POLE4: variants seen among roughly 807,000 people sequenced by gnomAD.
The protein encoded by POLE4 is DNA polymerase epsilon subunit 4.
Under a neutral mutation model 15.6 loss-of-function variants are expected in POLE4, and 15 were observed. The ratio of observed to expected loss-of-function variants is 0.96; its 90% CI spans 0.64 to 1.48. The LOEUF (loss-of-function observed/expected upper bound fraction) is 1.48, where lower values mean the gene tolerates loss of function less well. POLE4 is among the 40% of genes most tolerant of loss of function. The pLI, the probability that POLE4 is intolerant of heterozygous loss-of-function variation, is 0.00. For synonymous variants in POLE4, 83 were observed against 63.2 expected (o/e 1.31, Z -1.49); for missense variants, 205 against 151.9 (o/e 1.35, Z -1.84).
Position 74,963,830 on chromosome 2 carries a change from G to A in POLE4, c.340+3684G>A, listed in dbSNP as rs960916688. Among the ~76,000 whole-genome samples, 3 of 152,220 alleles carry A rather than the reference G, an allele frequency of 2.0e-5. 1 individual carries two copies. In the South Asian group the frequency reaches 6.2e-4, roughly 32 times the overall value. On this transcript the variant is annotated intron_variant, in intron 3 of 3. Coordinates refer to ENST00000483063, the MANE Select transcript of POLE4 (RefSeq NM_019896.4). Reference sequence around the variant, plus strand: ...TAGATATGAATCTTTTTTAGTATATGAGACGTATCTTTTCCTGCCTTTTCA... The same window carrying A: ...TAGATATGAATCTTTTTTAGTATATAAGACGTATCTTTTCCTGCCTTTTCA...
At chr2:74,959,680 G>C in intron 2 of POLE4, 1 of 439,514 alleles carries the variant, frequency 2.3e-6, no homozygotes. Context: ...AATTGCACCA[G>C]AAAAAGATAT....
At chr2:74,967,228 TA>T (rs1379262155) in intron 3 of POLE4, among the ~76,000 whole-genome samples, 1 of 152,150 alleles carries the variant, frequency 6.6e-6, no homozygotes, top group Non-Finnish European at 1.5e-5. Context: ...AACTCAATCA[TA>T]ATTTTGCCTC....
Position 74,960,115 on chromosome 2 carries a change from A to G in POLE4, c.309A>G (p.Ile103Met). The G allele has an allele frequency of 6.2e-7, 1 of 1,613,912 alleles. No homozygotes were observed. Among genetic ancestry groups the G allele is most frequent in the Non-Finnish European group, 8.5e-7 (1 of 1,179,796 alleles). The change falls in exon 3 of 4, where the codon ATA (isoleucine) becomes ATG (methionine). Residue 103 changes from isoleucine to methionine, a missense_variant. Physicochemically the swap from Ile to Met is conservative, Grantham distance 10. Coordinates refer to ENST00000483063, the MANE Select transcript of POLE4 (RefSeq NM_019896.4). ...TTCCTTGTGTTTCAGATAATGCAAT[A>G]GAAGCTGTGGATGAATTTGCTTTTC... The part of the protein sequence containing the change: ...TLQRRDLDNA[I>M]EAVDEFAFLE...
chr2:74,958,796 G>T lies in POLE4; in HGVS notation c.117G>T (p.Ser39=). The stretch of plus-strand genomic sequence containing the variant: ...CGAGTGTGCCTGGGGCTCGTCTCTC[G>T]AGGTTGCCTCTGGCGCGAGTGAAGG... ...APTSVPGARL[S]RLPLARVKAL... Residue 39 remains serine, a synonymous_variant, in exon 1 of 4, where the codon TCG becomes TCT. Transcript: ENST00000483063. 1 of 1,552,860 alleles carries T rather than the reference G, an allele frequency of 6.4e-7. No homozygotes were observed. Among genetic ancestry groups the T allele is most frequent in the East Asian group, 2.4e-5 (1 of 40,910 alleles).
At chr2:74,968,418 C>T (rs1434723533) in intron 3 of POLE4, among the ~76,000 whole-genome samples, 1 of 151,422 alleles carries the variant, frequency 6.6e-6, no homozygotes, top group Non-Finnish European at 1.5e-5. Context: ...TGTTTGGTAA[C>T]TGTGTGTGTG....
At chr2:74,959,265 C>T in intron 1 of POLE4, 76 bp from the exon 2 acceptor site, 1 of 897,246 alleles carries the variant, frequency 1.1e-6, no homozygotes, top group Non-Finnish European at 1.8e-6. Flanking sequence ...CTTTCTGCCC[C>T]CACCCACAAA....
chr2:74,966,781 A>G (rs563596087), intron 3 of POLE4, among the ~76,000 whole-genome samples: 2 of 152,284 alleles, frequency 1.3e-5, no homozygotes, highest in East Asian at 1.9e-4. Flanking sequence ...TTCATTTAGT[A>G]TGGTCTGGTA....
intron 3 of POLE4, among the ~76,000 whole-genome samples, chr2:74,965,544 T>A (rs540895259): frequency 1.5e-4 from 23 of 152,234 alleles, no homozygotes; most frequent in Non-Finnish European, 2.9e-4. Context: ...TTCTGTGTTC[T>A]TACTGAATTT....
intron 3 of POLE4, chr2:74,960,533 A>G (rs1386950289): frequency 1.2e-5 from 6 of 482,410 alleles, no homozygotes; most frequent in Non-Finnish European, 2.5e-5. Context: ...TTCTTCAACA[A>G]TCTGTGTGAA....
chr2:74,961,805 C>T (rs1446850543), intron 3 of POLE4, among the ~76,000 whole-genome samples: 1 of 152,162 alleles, frequency 6.6e-6, no homozygotes, highest in African/African-American at 2.4e-5. Flanking sequence ...ATTGGTAGAT[C>T]TGAATGTTAG....
intron 3 of POLE4, among the ~76,000 whole-genome samples, chr2:74,966,108 C>T (rs1443820837): frequency 6.6e-6 from 1 of 150,466 alleles, no homozygotes; most frequent in Non-Finnish European, 1.5e-5. Flanking sequence ...TTTTTTCCCT[C>T]TATCAGCTTG....
chr2:74,958,937 T>G (rs1573425614), intron 1 of POLE4, 45 bp downstream of exon 1: 2 of 1,481,584 alleles, frequency 1.3e-6, no homozygotes, highest in Non-Finnish European at 1.8e-6. Flanking sequence ...GGAGGTGGAG[T>G]GTGGGGCGGG....
rs560365686 is a variant in POLE4, at chr2:74,958,911, G to A, written c.213+19G>A. ...AGCCGCGGTGCGCCTGCAGCGCGAG[G>A]GCATGCGGGAGTGGGGGAGGTGGAG... On this transcript the variant is annotated intron_variant, in intron 1 of 3. Coordinates refer to ENST00000483063, the MANE Select transcript of POLE4 (RefSeq NM_019896.4). The A allele has an allele frequency of 3.9e-5, 60 of 1,549,624 alleles. No homozygotes were observed. The Middle Eastern group carries it at 6.7e-4, about 17-fold the overall frequency.
At position 74,958,712 on chromosome 2, in the gene POLE4, G is replaced by T. The variant is rs1390486739; in HGVS notation, c.33G>T (p.Thr11=). 1 of 1,483,988 alleles carries T rather than the reference G, an allele frequency of 6.7e-7. No individual in the cohort carries two copies. Among genetic ancestry groups the T allele is most frequent in the African/African-American group, 1.5e-5 (1 of 66,954 alleles). 91.9% of individuals were successfully genotyped at this position (1,483,988 alleles called of 1,614,324 possible). The change falls in exon 1 of 4, where the codon ACG becomes ACT. Residue 11 remains threonine, a synonymous_variant. Transcript: ENST00000483063. ...CGGCGGCGGCGGCAGGAAGCGGGAC[G>T]CCCCGAGAGGAGGAGGGACCTGCTG... MAAAAAAGSG[T]PREEEGPAGE... is the part of the protein sequence containing the mutation.
intron 3 of POLE4, among the ~76,000 whole-genome samples, chr2:74,960,834 C>T (rs1671210501): frequency 6.6e-6 from 1 of 152,162 alleles, no homozygotes; most frequent in Admixed American, 6.5e-5. Context: ...TCCTTTTGCC[C>T]AGTGAGGTAG....
Position 74,958,849 on chromosome 2 carries a change from C to A in POLE4, c.170C>A (p.Thr57Lys). ...KALVKADPDV[T>K]LAGQEAIFIL... Reference sequence around the variant, plus strand: ...TTGGTGAAGGCAGATCCCGACGTGACGCTAGCGGGACAGGAAGCCATCTTC... The same window carrying A: ...TTGGTGAAGGCAGATCCCGACGTGAAGCTAGCGGGACAGGAAGCCATCTTC... Residue 57 changes from threonine (T) to lysine (K), a missense_variant, in exon 1 of 4, where the codon ACG becomes AAG. Transcript: ENST00000483063. The A allele has an allele frequency of 6.4e-7, 1 of 1,561,566 alleles. No homozygotes were observed. The highest frequency in any genetic ancestry group is 8.7e-7 in the Non-Finnish European group (1 of 1,152,942).
chr2:74,966,247 C>A (rs545495744), intron 3 of POLE4, among the ~76,000 whole-genome samples: 1 of 152,132 alleles, frequency 6.6e-6, no homozygotes, highest in Non-Finnish European at 1.5e-5. Context: ...TCCATTAACT[C>A]AATTTTCAAA....
At position 74,969,386 on chromosome 2, in the gene POLE4, C is replaced by T. The variant is rs565481456; in HGVS notation, c.341-23C>T. 1.6e-5 allele frequency: 25 copies of T among 1,612,680 alleles called. No individual in the cohort carries two copies. The African/African-American group carries it at 2.3e-4, about 15-fold the overall frequency. On this transcript the variant is annotated intron_variant, in intron 3 of 3. Transcript: ENST00000483063. Reference sequence around the variant, plus strand: ...CCAGCTTCTGAGGTCCCCTGATATACTCATTGCTCTTTGTATGTTTAGGTA... The same window carrying T: ...CCAGCTTCTGAGGTCCCCTGATATATTCATTGCTCTTTGTATGTTTAGGTA...
chr2:74,959,279 G>A, intron 1 of POLE4, 62 bp from the exon 2 acceptor site: 1 of 1,065,988 alleles, frequency 9.4e-7, no homozygotes, highest in African/African-American at 1.6e-5. Context: ...CCACAAACCG[G>A]AGCCCTCACC....
Sources: gnomAD v4.1 joint callset for allele counts (sites outside exome capture counted in the v4.1 genomes callset) on GRCh38, gnomAD v4.1.1 for gene constraint, MANE v1.5 for transcripts, NCBI Gene and HGNC (gene_info 2026-07-23, HGNC 2026-07-21) for gene names.